The following CCDC25 variants were observed in gnomAD, a reference collection of about 807,000 sequenced individuals.
The protein encoded by CCDC25 is coiled-coil domain-containing protein 25.
In CCDC25, 16 loss-of-function variants were observed where a neutral mutation model predicts 35.3. That is an observed-to-expected ratio of 0.45 (90% confidence interval 0.31 to 0.69). The LOEUF (loss-of-function observed/expected upper bound fraction) is 0.69. Ranked by LOEUF, CCDC25 falls within the 30% of genes least tolerant of loss-of-function variation. The pLI is 0.06. For synonymous variants in CCDC25, 79 were observed against 80.3 expected (o/e 0.98, Z 0.09); for missense variants, 179 against 250.7 (o/e 0.71, Z 1.93).
At chr8:27,736,279 C>A in intron 8 of CCDC25, 34 bp from the exon 9 acceptor site, 4 of 1,520,622 alleles carry the variant, frequency 2.6e-6, no homozygotes, top group Non-Finnish European at 3.6e-6. Context: ...ACATAAAAGC[C>A]TTGAAAATAA....
intron 7 of CCDC25, among the ~76,000 whole-genome samples, chr8:27,746,574 C>G (rs1398781518): frequency 6.6e-6 from 1 of 151,976 alleles, no homozygotes; most frequent in African/African-American, 2.4e-5. Context: ...AAACTCAAAA[C>G]AAAAAAGAAT....
chr8:27,737,764 A>C lies in CCDC25; in HGVS notation c.598-1519T>G, dbSNP rs900808467. Among the ~76,000 whole-genome samples, 3 of 152,202 alleles carry C rather than the reference A, an allele frequency of 2.0e-5. No homozygotes were observed. Among genetic ancestry groups the C allele is most frequent in the Admixed American group, 2.0e-4 (3 of 15,284 alleles). On this transcript the variant is annotated intron_variant, in intron 8 of 8. Coordinates refer to ENST00000356537, the MANE Select transcript of CCDC25 (RefSeq NM_018246.3). The surrounding 1 kb of genome is among the most constrained non-coding windows in gnomAD (Gnocchi z 4.6). ...AGGAAAAGAAGTCATTATTCAAAAA[A>C]GATACTTGCACACACATGTTTACAG...
intron 7 of CCDC25, among the ~76,000 whole-genome samples, chr8:27,741,884 T>G (rs577750976): frequency 6.6e-6 from 1 of 152,284 alleles, no homozygotes; most frequent in East Asian, 1.9e-4. Flanking sequence ...AGTAAGTTGT[T>G]CAAGGTCTTA....
At chr8:27,740,611 G>T in intron 7 of CCDC25, 94 bp from the exon 8 acceptor site, 2 of 1,058,738 alleles carry the variant, frequency 1.9e-6, no homozygotes, top group Non-Finnish European at 1.4e-6. Context: ...GCACTGCTCA[G>T]GGGCTTTAGA....
intron 6 of CCDC25, 78 bp downstream of exon 6, chr8:27,748,417 A>C: frequency 2.2e-6 from 3 of 1,351,908 alleles, no homozygotes; most frequent in Non-Finnish European, 3.2e-6. Flanking sequence ...CCTCAACAAC[A>C]ATGGTGTCAG....
At chr8:27,770,925 G>A (rs1223885866) in intron 1 of CCDC25, among the ~76,000 whole-genome samples, 1 of 152,166 alleles carries the variant, frequency 6.6e-6, no homozygotes, top group Non-Finnish European at 1.5e-5. Flanking sequence ...CCCCTTATCT[G>A]TGGGGGATGT....
intron 5 of CCDC25, 81 bp downstream of exon 5, chr8:27,752,431 A>G: frequency 9.2e-7 from 1 of 1,089,364 alleles, no homozygotes; most frequent in South Asian, 1.3e-5. Flanking sequence ...CAAAGTCAAC[A>G]GCATGCTCAC....
rs896135780 is a variant in CCDC25 at position 27,733,978 on chromosome 8, T to G, written c.*2238A>C. 7 of 152,238 alleles carry G rather than the reference T, an allele frequency of 4.6e-5. No individual in the cohort carries two copies. The highest frequency in any genetic ancestry group is 1.0e-4 in the Non-Finnish European group (7 of 68,060). 9.4% of individuals were successfully genotyped at this position (152,238 alleles called of 1,614,324 possible). A position where few individuals can be genotyped will look rare whatever the true frequency, so the allele number is the denominator to read the frequency against. ...ATCTTTCCTGAGTGGGGAAAACCGC[T>G]GGCACTGAATAGCTGAAAGGCTCGC... On this transcript the variant is annotated 3_prime_UTR_variant, in exon 9 of 9. Transcript: ENST00000356537.
At chr8:27,743,620 G>A (rs1264612571) in intron 7 of CCDC25, among the ~76,000 whole-genome samples, 2 of 152,328 alleles carry the variant, frequency 1.3e-5, no homozygotes, top group Admixed American at 6.5e-5. Flanking sequence ...GGGGACAAGT[G>A]TGGTGGCTTA....
At chr8:27,758,174 C>T (rs931261631) in intron 3 of CCDC25, among the ~76,000 whole-genome samples, 2 of 152,176 alleles carry the variant, frequency 1.3e-5, no homozygotes, top group African/African-American at 4.8e-5. Context: ...CCTTTCCAGA[C>T]TGAAGAATGT....
chr8:27,734,506 T>G lies in CCDC25; in HGVS notation c.*1710A>C, dbSNP rs1355522997. 3 of 152,220 alleles carry G rather than the reference T, an allele frequency of 2.0e-5. No homozygotes were observed. Among genetic ancestry groups the G allele is most frequent in the South Asian group, 4.2e-4 (2 of 4,812 alleles). The allele number at this position is 152,220 out of a possible 1,614,324, so 9.4% of individuals were successfully genotyped here. ...AACCTATAAGTCCTCAAAAGAAAATTTCCTTGCTTTCCCTGGGACCAACAG... is the reference window on the plus strand; with the variant it reads ...AACCTATAAGTCCTCAAAAGAAAATGTCCTTGCTTTCCCTGGGACCAACAG... On this transcript the variant is annotated 3_prime_UTR_variant, in exon 9 of 9. Coordinates refer to ENST00000356537, the MANE Select transcript of CCDC25 (RefSeq NM_018246.3).
chr8:27,766,857 C>T (rs773282437), intron 1 of CCDC25, among the ~76,000 whole-genome samples: 2 of 151,810 alleles, frequency 1.3e-5, no homozygotes, highest in South Asian at 2.1e-4. Context: ...ATTAAATATC[C>T]GAACAGTATT....
intron 7 of CCDC25, 127 bp downstream of exon 7, chr8:27,747,950 G>T (rs2128938890): frequency 3.4e-6 from 3 of 885,554 alleles, no homozygotes; most frequent in Admixed American, 2.5e-5. Flanking sequence ...ATTTAAGGTT[G>T]AGCTTAAGCT....
At chr8:27,770,211 G>A (rs965273059) in intron 1 of CCDC25, among the ~76,000 whole-genome samples, 2 of 152,250 alleles carry the variant, frequency 1.3e-5, no homozygotes, top group African/African-American at 4.8e-5. Flanking sequence ...GGAGGTTAAG[G>A]TGGGTAGATC....
chr8:27,737,099 T>C lies in CCDC25; in HGVS notation c.598-854A>G, dbSNP rs935862547. 2.0e-5 allele frequency among the ~76,000 whole-genome samples: 3 copies of C among 152,084 alleles called. No homozygotes were observed. Among genetic ancestry groups the C allele is most frequent in the African/African-American group, 7.2e-5 (3 of 41,396 alleles). On this transcript the variant is annotated intron_variant, in intron 8 of 8. Coordinates refer to ENST00000356537, the MANE Select transcript of CCDC25 (RefSeq NM_018246.3). This position sits in a 1 kb window ranked among gnomAD's most constrained non-coding sequence, Gnocchi z 4.6. Reference sequence around the variant, plus strand: ...AGAAATACGATATGGGTAGAAAACATTGGTTCCTGTGAAGTCTGGTTTTAG... The same window carrying C: ...AGAAATACGATATGGGTAGAAAACACTGGTTCCTGTGAAGTCTGGTTTTAG...
chr8:27,745,645 T>C (rs1803577655), intron 7 of CCDC25, among the ~76,000 whole-genome samples: 1 of 152,188 alleles, frequency 6.6e-6, no homozygotes, highest in Non-Finnish European at 1.5e-5. Context: ...TTAGAGCCTA[T>C]TGCTGGAATT....
intron 7 of CCDC25, among the ~76,000 whole-genome samples, chr8:27,746,263 T>C (rs1803599278): frequency 6.6e-6 from 1 of 152,196 alleles, no homozygotes; most frequent in Non-Finnish European, 1.5e-5. Context: ...ACTAGCCAAA[T>C]GAGCTTATAA....
In CCDC25 at chr8:27,748,459, AG is replaced by A. The variant is rs1436404411; in HGVS notation, c.348+35del. On this transcript the variant is annotated intron_variant, in intron 6 of 8. Coordinates refer to ENST00000356537, the MANE Select transcript of CCDC25 (RefSeq NM_018246.3). ...AAGATAGGATACTCCATTCAGTATC[AG>A]GGCTCCGCCTCCTTCAGTGGCACAA... 4.0e-6 allele frequency: 6 copies of A among 1,501,484 alleles called. No individual in the cohort carries two copies. The African/African-American group carries it at 8.3e-5, about 21-fold the overall frequency. The allele number at this position is 1,501,484 out of a possible 1,614,324, so 93.0% of individuals were successfully genotyped here.
At chr8:27,760,080 A>G (rs999152434) in intron 3 of CCDC25, among the ~76,000 whole-genome samples, 2 of 152,178 alleles carry the variant, frequency 1.3e-5, no homozygotes, top group African/African-American at 4.8e-5. Flanking sequence ...CTGAAGGTAA[A>G]AGCCAATCAC....
Sources: gnomAD v4.1 joint callset for allele counts (sites outside exome capture counted in the v4.1 genomes callset) on GRCh38, gnomAD v4.1.1 for gene constraint, Gnocchi (gnomAD v3.1) non-coding constraint, MANE v1.5 for transcripts, NCBI Gene and HGNC (gene_info 2026-07-23, HGNC 2026-07-21) for gene names.